CUBN: variants seen among roughly 807,000 people sequenced by gnomAD.
CUBN encodes 460 kDa receptor.
Under a neutral mutation model 405.3 loss-of-function variants are expected in CUBN, and 282 were observed. The ratio of observed to expected loss-of-function variants is 0.70; its 90% CI spans 0.63 to 0.77. The LOEUF (loss-of-function observed/expected upper bound fraction) is 0.77, where lower values mean the gene tolerates loss of function less well. Ranked by LOEUF, CUBN falls within the 30% of genes least tolerant of loss-of-function variation. The pLI is 0.00. For synonymous variants in CUBN, 1,684 were observed against 1,617.0 expected (o/e 1.04, Z -0.99); for missense variants, 4,514 against 4,475.2 (o/e 1.01, Z -0.25).
intron 56 of CUBN, among the ~76,000 whole-genome samples, chr10:16,887,034 C>A (rs1840841422): frequency 6.6e-6 from 1 of 152,182 alleles, no homozygotes; most frequent in South Asian, 2.1e-4. Context: ...GTGATCTGCC[C>A]ACCTTGGCCT....
intron 15 of CUBN, among the ~76,000 whole-genome samples, chr10:17,086,762 G>A (rs1588633301): frequency 6.6e-6 from 1 of 152,210 alleles, no homozygotes; most frequent in African/African-American, 2.4e-5. Context: ...ATCAAAGTTA[G>A]ATGGCAGCAT....
At chr10:17,121,977 T>G (rs1418047189) in intron 6 of CUBN, 3 of 152,210 alleles carry the variant, frequency 2.0e-5, no homozygotes, top group African/African-American at 7.2e-5. Flanking sequence ...CTGTCTAGTT[T>G]AAAAGGTGAC....
At chr10:17,022,282 T>C (rs1270788882) in intron 27 of CUBN, among the ~76,000 whole-genome samples, 2 of 152,154 alleles carry the variant, frequency 1.3e-5, no homozygotes, top group Non-Finnish European at 2.9e-5. Context: ...TCAGCAGATA[T>C]TTTTAAAAAG....
chr10:17,037,770 A>G (rs905840759), intron 27 of CUBN, among the ~76,000 whole-genome samples: 1 of 152,214 alleles, frequency 6.6e-6, no homozygotes, highest in South Asian at 2.1e-4. Context: ...GAATTCAGGG[A>G]CCTAGACTTC....
chr10:16,877,195 T>C, intron 56 of CUBN, 98 bp from the exon 57 acceptor site: 1 of 1,004,850 alleles, frequency 1.0e-6, no homozygotes, highest in Non-Finnish European at 1.5e-6. Context: ...ACTCATGCAA[T>C]TGCTATAAAA....
chr10:16,959,836 C>T (rs1843166914), intron 31 of CUBN, among the ~76,000 whole-genome samples: 1 of 152,128 alleles, frequency 6.6e-6, no homozygotes, highest in Admixed American at 6.5e-5. Flanking sequence ...CTATTGGATA[C>T]ACATATATTA....
chr10:16,891,526 A>C (rs1226654913), intron 54 of CUBN, among the ~76,000 whole-genome samples: 2 of 152,164 alleles, frequency 1.3e-5, no homozygotes, highest in Non-Finnish European at 2.9e-5. Flanking sequence ...TCCTGAATAC[A>C]GCAAGGAGCC....
chr10:17,094,382 C>T (rs1382040282), intron 14 of CUBN, among the ~76,000 whole-genome samples: 1 of 152,018 alleles, frequency 6.6e-6, no homozygotes, highest in Non-Finnish European at 1.5e-5. Flanking sequence ...AATCTGTCTT[C>T]AACAGACATG....
chr10:16,845,505 G>T (rs2131328056), intron 60 of CUBN, among the ~76,000 whole-genome samples: 1 of 152,284 alleles, frequency 6.6e-6, no homozygotes, highest in Middle Eastern at 3.4e-3. Flanking sequence ...ACCCATTTCA[G>T]AATCTTCTGG....
chr10:16,934,272 GT>G (rs1250483134), intron 39 of CUBN, among the ~76,000 whole-genome samples: 1 of 152,126 alleles, frequency 6.6e-6, no homozygotes, highest in East Asian at 1.9e-4. Context: ...TTCTCAAAAA[GT>G]TGATTTTAAC....
chr10:17,046,877 T>C (rs1228504238), intron 23 of CUBN, among the ~76,000 whole-genome samples: 2 of 152,160 alleles, frequency 1.3e-5, no homozygotes, highest in Admixed American at 6.5e-5. Context: ...ATAAGCTAAC[T>C]TACTTTTACT....
At chr10:17,046,177 T>A in intron 23 of CUBN, 83 bp from the exon 24 acceptor site, 2 of 1,267,240 alleles carry the variant, frequency 1.6e-6, no homozygotes, top group Non-Finnish European at 1.1e-6. Context: ...AACTTTGGGA[T>A]TGCAAACATT....
rs532290934 is a variant in CUBN at position 17,092,590 on chromosome 10, C to T, written c.1766-4245G>A. Among the ~76,000 whole-genome samples the T allele has an allele frequency of 3.9e-5, 6 of 152,260 alleles. No homozygotes were observed. The East Asian group carries it at 9.6e-4, about 24-fold the overall frequency. On this transcript the variant is annotated intron_variant, in intron 14 of 66. Transcript: ENST00000377833. Reference sequence around the variant, plus strand: ...GATGGTGAGGAAAGTGACCTCTGGTCGTCCTCACTGCTCACTATATGCTAA... The same window carrying T: ...GATGGTGAGGAAAGTGACCTCTGGTTGTCCTCACTGCTCACTATATGCTAA...
Position 16,865,335 on chromosome 10 carries a change from G to C in CUBN, c.9454+4301C>G, listed in dbSNP as rs1309289683. On this transcript the variant is annotated intron_variant, in intron 59 of 66. Transcript: ENST00000377833. ...TCTGTCCTTGTTATATATGTGCTTG[G>C]GTATTTTTGCCTTGGTCTCTTAGCA... 1.3e-5 allele frequency among the ~76,000 whole-genome samples: 2 copies of C among 151,974 alleles called. 1 individual carries two copies. The highest frequency in any genetic ancestry group is 3.9e-4 in the East Asian group (2 of 5,168).
intron 10 of CUBN, among the ~76,000 whole-genome samples, chr10:17,106,614 A>G (rs1373325671): frequency 7.7e-5 from 11 of 142,358 alleles, no homozygotes; most frequent in Admixed American, 7.6e-4. Flanking sequence ...AAAAAAAAAA[A>G]GCCCTATATA....
rs760115430 is a variant in CUBN at position 16,900,676 on chromosome 10, G to A, written c.8359C>T (p.His2787Tyr). Residue 2787 changes from histidine to tyrosine, a missense_variant, in exon 53 of 67, where the codon CAT (histidine) becomes TAT (tyrosine). Physicochemically the swap from His to Tyr is moderately conservative, Grantham distance 83 (BLOSUM62 2). Transcript: ENST00000377833. ...TAAAATCCACCACCTTGCAATGAAT[G>A]GTCTGAGTTAAAAGTCACGACCAGC... The part of the protein sequence containing the change: ...NQLVVTFNSD[H>Y]SLQGGGFYAT... 3 of 1,614,114 alleles carry A rather than the reference G, an allele frequency of 1.9e-6. No homozygotes were observed. The South Asian group carries it at 3.3e-5, about 18-fold the overall frequency.
intron 27 of CUBN, among the ~76,000 whole-genome samples, chr10:17,027,666 C>A (rs1834702108): frequency 6.6e-6 from 1 of 152,098 alleles, no homozygotes; most frequent in Admixed American, 6.5e-5. Flanking sequence ...GAATTTCATA[C>A]CCTTTTAGAC....
chr10:16,867,601 A>G (rs1840224037), intron 59 of CUBN, among the ~76,000 whole-genome samples: 1 of 152,206 alleles, frequency 6.6e-6, no homozygotes, highest in Non-Finnish European at 1.5e-5. Flanking sequence ...GCAGATGAAA[A>G]AGAGGTAAAA....
intron 27 of CUBN, among the ~76,000 whole-genome samples, chr10:17,028,585 G>C (rs1344881909): frequency 1.3e-5 from 2 of 151,888 alleles, no homozygotes; most frequent in Non-Finnish European, 2.9e-5. Context: ...GCCAGGCGTG[G>C]TGGTGGGCGC....
Sources: gnomAD v4.1 joint callset for allele counts (sites outside exome capture counted in the v4.1 genomes callset) on GRCh38, gnomAD v4.1.1 for gene constraint, MANE v1.5 for transcripts, NCBI Gene and HGNC (gene_info 2026-07-23, HGNC 2026-07-21) for gene names.